The following TCF4 variants were observed in gnomAD, a reference collection of about 807,000 sequenced individuals.
TCF4 encodes SL3-3 enhancer factor 2.
In TCF4, 3 loss-of-function variants were observed where a neutral mutation model predicts 82.1. The observed-to-expected ratio is 0.04, with a 90% CI of 0.02 to 0.09. The LOEUF (loss-of-function observed/expected upper bound fraction) is 0.09, where lower values mean the gene tolerates loss of function less well. Ranked by LOEUF, TCF4 falls within the 10% of genes least tolerant of loss-of-function variation. The probability of loss-of-function intolerance (pLI) is 1.00; values close to 1 mark genes in which losing one functional copy is unlikely to be tolerated. For missense variants in TCF4, 518 were observed against 852.7 expected, an observed-to-expected ratio of 0.61 and a Z score of 4.89; for synonymous variants, 276 against 309.6, an observed-to-expected ratio of 0.89 and a Z score of 1.14.
intron 2 of TCF4, among the ~76,000 whole-genome samples, chr18:55,596,570 G>T (rs995198022): frequency 6.6e-6 from 1 of 152,164 alleles, no homozygotes; most frequent in Non-Finnish European, 1.5e-5. Flanking sequence ...AGGAAGTTTG[G>T]ATCCATTAGC....
chr18:55,369,167 C>T (rs545963066), intron 6 of TCF4, among the ~76,000 whole-genome samples: 2 of 152,186 alleles, frequency 1.3e-5, no homozygotes, highest in East Asian at 3.9e-4. Flanking sequence ...TTGAAACCTT[C>T]CCTAATGAAT....
chr18:55,311,955 T>C (rs113300555), intron 8 of TCF4, among the ~76,000 whole-genome samples: 25 of 152,298 alleles, frequency 1.6e-4, no homozygotes, highest in African/African-American at 5.1e-4. Context: ...CAGCCATACA[T>C]TCATCATCAT....
At chr18:55,604,609 T>A (rs185894942) in intron 2 of TCF4, among the ~76,000 whole-genome samples, 1 of 152,026 alleles carries the variant, frequency 6.6e-6, no homozygotes, top group African/African-American at 2.4e-5. Context: ...AATGGCAGAG[T>A]GTGTGGCAAG....
At chr18:55,269,779 T>C in intron 11 of TCF4, 52 bp downstream of exon 11, 1 of 1,611,236 alleles carries the variant, frequency 6.2e-7, no homozygotes, top group Non-Finnish European at 8.5e-7. Context: ...TCCTTGATGA[T>C]TAAACTCTGA....
chr18:55,236,574 C>T lies in TCF4; in HGVS notation c.1351-1891G>A, dbSNP rs7238493. ...CACCTGCTCCAGCAACCATTTGTAA[C>T]TCACTCTCTTATATATTTTAATTTT... On this transcript the variant is annotated intron_variant, in intron 15 of 19. Transcript: ENST00000354452. 2.5e-3 allele frequency among the ~76,000 whole-genome samples: 373 copies of T among 152,112 alleles called. 2 individuals are homozygous for T. Among genetic ancestry groups the T allele is most frequent in the African/African-American group, 8.4e-3 (350 of 41,476 alleles).
chr18:55,329,991 A>G (rs1304595341), intron 8 of TCF4, among the ~76,000 whole-genome samples: 4 of 152,172 alleles, frequency 2.6e-5, no homozygotes, highest in African/African-American at 9.7e-5. Context: ...GTTCTCTAAC[A>G]TCTGTTCAAG....
At chr18:55,309,420 C>A (rs1489227137) in intron 8 of TCF4, among the ~76,000 whole-genome samples, 1 of 152,102 alleles carries the variant, frequency 6.6e-6, no homozygotes, top group Non-Finnish European at 1.5e-5. Flanking sequence ...CTGTGCCTGG[C>A]CTTCATTTGA....
intron 8 of TCF4, among the ~76,000 whole-genome samples, chr18:55,284,918 T>C (rs575403021): frequency 7.2e-5 from 11 of 152,320 alleles, no homozygotes; most frequent in Non-Finnish European, 1.6e-4. Context: ...CCCATGTACT[T>C]TGATGCTTCT....
chr18:55,604,279 C>T (rs2097700183), intron 2 of TCF4, among the ~76,000 whole-genome samples: 1 of 152,084 alleles, frequency 6.6e-6, no homozygotes. Flanking sequence ...CTCCCACCCC[C>T]ACCCCAGAAT....
At chr18:55,451,219 C>G (rs1332737380) in intron 5 of TCF4, among the ~76,000 whole-genome samples, 1 of 152,164 alleles carries the variant, frequency 6.6e-6, no homozygotes, top group Non-Finnish European at 1.5e-5. Flanking sequence ...TTTTTCCATT[C>G]ATTACCCAGA....
intron 8 of TCF4, among the ~76,000 whole-genome samples, chr18:55,313,717 G>A (rs1053154530): frequency 2.0e-5 from 3 of 151,982 alleles, no homozygotes; most frequent in South Asian, 2.1e-4. Flanking sequence ...GGGGAGAGCC[G>A]GGCTCAAGTG....
chr18:55,350,607 G>A (rs1488337400), intron 7 of TCF4, among the ~76,000 whole-genome samples, 199 bp from the exon 8 acceptor site: 3 of 152,016 alleles, frequency 2.0e-5, no homozygotes, highest in African/African-American at 7.2e-5. Flanking sequence ...TTAACTTTTT[G>A]CTACTTTGAT....
chr18:55,621,932 CTATATATACACTATATATAT>C (rs1258696833), intron 2 of TCF4, among the ~76,000 whole-genome samples: 89 of 10,978 alleles, frequency 8.1e-3, no homozygotes, highest in African/African-American at 0.028. Flanking sequence ...ACACTATATA[CTATATATACACTATATATAT>C]TATATATACA....
chr18:55,402,690 T>A (rs539349284), intron 6 of TCF4, among the ~76,000 whole-genome samples: 2 of 152,286 alleles, frequency 1.3e-5, no homozygotes, highest in Admixed American at 6.5e-5. Flanking sequence ...AAAGAAAGCA[T>A]CTATAAAAAC....
At chr18:55,532,586 A>C (rs2097075903) in intron 3 of TCF4, among the ~76,000 whole-genome samples, 2 of 152,244 alleles carry the variant, frequency 1.3e-5, no homozygotes, top group African/African-American at 4.8e-5. Flanking sequence ...AGTTTCATAG[A>C]TTTGGAATAT....
intron 3 of TCF4, among the ~76,000 whole-genome samples, chr18:55,481,637 C>A (rs1408288265): frequency 6.6e-6 from 1 of 152,184 alleles, no homozygotes; most frequent in African/African-American, 2.4e-5. Context: ...TAAATTCAGG[C>A]AGTACTCCTC....
At chr18:55,570,742 T>C (rs1026592672) in intron 3 of TCF4, among the ~76,000 whole-genome samples, 3 of 150,534 alleles carry the variant, frequency 2.0e-5, no homozygotes, top group African/African-American at 7.3e-5. Context: ...ATTAGCTGGG[T>C]GAGATGTGTG....
At chr18:55,283,566 T>C (rs946051256) in intron 8 of TCF4, among the ~76,000 whole-genome samples, 2 of 152,200 alleles carry the variant, frequency 1.3e-5, no homozygotes, top group Non-Finnish European at 2.9e-5. Context: ...AGGTGGATAT[T>C]ATTAATAGTA....
chr18:55,333,197 G>A (rs1003916727), intron 8 of TCF4, among the ~76,000 whole-genome samples: 10 of 152,122 alleles, frequency 6.6e-5, no homozygotes, highest in African/African-American at 2.4e-4. Flanking sequence ...CAATGCTATA[G>A]TTAAGTATCT....
Sources: gnomAD v4.1 joint callset for allele counts (sites outside exome capture counted in the v4.1 genomes callset) on GRCh38, gnomAD v4.1.1 for gene constraint, MANE v1.5 for transcripts, NCBI Gene and HGNC (gene_info 2026-07-23, HGNC 2026-07-21) for gene names.